PELI3: variants seen among roughly 807,000 people sequenced by gnomAD.
PELI3 encodes E3 ubiquitin-protein ligase pellino homolog 3.
Under a neutral mutation model 35.5 loss-of-function variants are expected in PELI3, and 19 were observed. That is an observed-to-expected ratio of 0.54 (90% CI 0.37 to 0.79). PELI3 has a LOEUF of 0.79. PELI3 is among the 30% of genes least tolerant of loss of function. PELI3 has a pLI of 0.00. For synonymous variants in PELI3, 262 were observed against 279.2 expected (o/e 0.94, Z 0.62); for missense variants, 490 against 661.2 (o/e 0.74, Z 2.84).
intron 5 of PELI3, among the ~76,000 whole-genome samples, chr11:66,472,976 T>C (rs964543315): frequency 6.6e-6 from 1 of 152,216 alleles, no homozygotes; most frequent in Admixed American, 6.5e-5. Context: ...GCAAATCAAC[T>C]TGTATTTATT....
chr11:66,466,989 G>A lies in PELI3; in HGVS notation c.-40G>A, dbSNP rs1297548137. On this transcript the variant is annotated 5_prime_UTR_variant, in exon 1 of 8. Coordinates refer to ENST00000320740, the MANE Select transcript of PELI3 (RefSeq NM_145065.3). ...CCGGGGCCGAGCAGGGGCTAGGCGG[G>A]GAGGGAGCGGCGCCCAGCGGGGCCC... The A allele has an allele frequency of 6.7e-6, 1 of 150,338 alleles. No homozygotes were observed. Among genetic ancestry groups the A allele is most frequent in the Non-Finnish European group, 1.5e-5 (1 of 67,376 alleles). 9.3% of individuals were successfully genotyped at this position (150,338 alleles called of 1,614,324 possible). A position where few individuals can be genotyped will look rare whatever the true frequency, so the allele number is the denominator to read the frequency against.
In PELI3 at chr11:66,468,895, C is replaced by G; in HGVS notation, c.215C>G (p.Ala72Gly). 1.3e-6 allele frequency: 1 copy of G among 772,944 alleles called. No individual in the cohort carries two copies. 47.9% of individuals were successfully genotyped at this position (772,944 alleles called of 1,614,324 possible). ...AQRGEVTGPRAHSCYNGCLAS... is the reference protein window; with the variant it reads ...AQRGEVTGPRGHSCYNGCLAS... ...AGAGGGGAAGTGACTGGCCCAAGGG[C>G]ACACAGCTGGTAAGTGGCAGGGCTG... The change falls in exon 3 of 8, where the codon GCA (alanine) becomes GGA (glycine). Residue 72 changes from alanine (A) to glycine (G), a missense_variant. By Grantham distance (60) the Ala-to-Gly change is moderately conservative (BLOSUM62 0). This residue lies in a region of PELI3 where 137 missense variants were observed against 157.1 expected (regional missense o/e 0.87). Transcript: ENST00000320740.
At chr11:66,472,217 G>A in intron 4 of PELI3, 152 bp from the exon 5 acceptor site, 1 of 606,440 alleles carries the variant, frequency 1.6e-6, no homozygotes, top group Non-Finnish European at 3.0e-6. Flanking sequence ...TAAATCATGT[G>A]AAACATCTGC....
chr11:66,473,573 T>C lies in PELI3; in HGVS notation c.651+138T>C. ...CTGGCAGTTAGCAACCCCACCTAAC[T>C]GATGAGCAAAGTGAGGCCCAGAGAG... On this transcript the variant is annotated intron_variant, in intron 6 of 7. Transcript: ENST00000320740. This position sits in a 1 kb window ranked among gnomAD's most constrained non-coding sequence, Gnocchi z 5.8. 7.6e-7 allele frequency: 1 copy of C among 1,319,314 alleles called. No homozygotes were observed. The highest frequency in any genetic ancestry group is 1.0e-6 in the Non-Finnish European group (1 of 976,300). 81.7% of individuals were successfully genotyped at this position (1,319,314 alleles called of 1,614,324 possible).
At chr11:66,474,184 G>C in intron 7 of PELI3, 1 of 659,252 alleles carries the variant, frequency 1.5e-6, no homozygotes, top group South Asian at 1.7e-5. Context: ...GGCACACACA[G>C]ACATACTGTG....
In PELI3 at chr11:66,476,426, G is replaced by A. The variant is rs1453387233; in HGVS notation, c.*259G>A. The A allele has an allele frequency of 5.6e-6, 3 of 533,842 alleles. No individual in the cohort carries two copies. Among genetic ancestry groups the A allele is most frequent in the Non-Finnish European group, 1.0e-5 (3 of 301,502 alleles). 33.1% of individuals were successfully genotyped at this position (533,842 alleles called of 1,614,324 possible). A position where few individuals can be genotyped will look rare whatever the true frequency, so the allele number is the denominator to read the frequency against. On this transcript the variant is annotated 3_prime_UTR_variant, in exon 8 of 8. Coordinates refer to ENST00000320740, the MANE Select transcript of PELI3 (RefSeq NM_145065.3). ...GAGGAAAGCCCAGCCCCATGGCCTT[G>A]CCCTTCCTGGGGCATCCCACATCGT...
chr11:66,475,545 G>C, intron 7 of PELI3, 53 bp from the exon 8 acceptor site: 1 of 1,583,590 alleles, frequency 6.3e-7, no homozygotes. Context: ...GGATGGACCC[G>C]CGGCTCAGCA....
Position 66,467,228 on chromosome 11 carries a change from G to A in PELI3, c.-2+201G>A, listed in dbSNP as rs1306352157. ...CCGGGCCCGGGGCGTGCGGGGCCGT[G>A]CACGCGCGCGTGTTGTGCGGAGGGG... On this transcript the variant is annotated intron_variant, in intron 1 of 7. Transcript: ENST00000320740. The surrounding 1 kb of genome is among the most constrained non-coding windows in gnomAD (Gnocchi z 4.2). Among the ~76,000 whole-genome samples the A allele has an allele frequency of 6.6e-6, 1 of 151,056 alleles. No homozygotes were observed. The highest frequency in any genetic ancestry group is 2.4e-5 in the African/African-American group (1 of 41,268).
Position 66,468,254 on chromosome 11 carries a change from C to G in PELI3, c.126C>G (p.Ile42Met). 6.3e-7 allele frequency: 1 copy of G among 1,580,052 alleles called. No homozygotes were observed. Among genetic ancestry groups the G allele is most frequent in the Non-Finnish European group, 8.6e-7 (1 of 1,160,144 alleles). Residue 42 changes from isoleucine (I) to methionine (M), a missense_variant, in exon 2 of 8, where the codon ATC becomes ATG. By Grantham distance (10) the Ile-to-Met change is conservative (BLOSUM62 1). Coordinates refer to ENST00000320740, the MANE Select transcript of PELI3 (RefSeq NM_145065.3). ...ATGCGCAGCCAGGCGAGGAGCCCAT[C>G]AAGTATGGTGAACTCATCGTCCTGG... The part of the protein sequence containing the change: ...GEDAQPGEEP[I>M]KYGELIVLGC...
rs1351602555 is a variant in PELI3, at chr11:66,468,142, G to A, written c.14G>A (p.Gly5Glu). ...ACTCTGCCCAGAATGGTGCTGGAAG[G>A]AAACCCTGAAGTGGGGTCCCCCCGA... MVLE[G>E]NPEVGSPRTS... Residue 5 changes from glycine (G) to glutamate (E), a missense_variant, in exon 2 of 8, where the codon GGA becomes GAA. Around this residue, in one of 3 missense-constraint regions of PELI3, gnomAD observed 137 missense variants for 157.1 expected, o/e 0.87. Coordinates refer to ENST00000320740, the MANE Select transcript of PELI3 (RefSeq NM_145065.3). 1 of 1,608,174 alleles carries A rather than the reference G, an allele frequency of 6.2e-7. No individual in the cohort carries two copies. The highest frequency in any genetic ancestry group is 1.7e-5 in the Admixed American group (1 of 59,576).
Position 66,477,153 on chromosome 11 carries a change from A to C in PELI3, c.*986A>C, listed in dbSNP as rs1854949461. The stretch of plus-strand genomic sequence containing the variant: ...GGTTGGGACCATGTGACCAGGGAAG[A>C]TGCTGGATGGAGGATTCTGAACCTC... On this transcript the variant is annotated 3_prime_UTR_variant, in exon 8 of 8. Transcript: ENST00000320740. 6.6e-6 allele frequency: 1 copy of C among 152,392 alleles called. No homozygotes were observed. Among genetic ancestry groups the C allele is most frequent in the Non-Finnish European group, 1.5e-5 (1 of 68,156 alleles). 9.4% of individuals were successfully genotyped at this position (152,392 alleles called of 1,614,324 possible). A position where few individuals can be genotyped will look rare whatever the true frequency, so the allele number is the denominator to read the frequency against.
rs759972010 is a variant in PELI3, at chr11:66,471,198, C to G, written c.225-44C>G. 3.2e-6 allele frequency: 5 copies of G among 1,572,116 alleles called. No individual in the cohort carries two copies. In the East Asian group the frequency reaches 6.8e-5, roughly 21 times the overall value. ...AGGGGTTCACTTTCTCTCTTTCTCT[C>G]TCTCCTCTTGCAACCCCTTCTTCTT... On this transcript the variant is annotated intron_variant, in intron 3 of 7. Transcript: ENST00000320740.
rs144457255 is a variant in PELI3 at position 66,473,291 on chromosome 11, C to A, written c.507C>A (p.Ser169=). Residue 169 remains serine, a synonymous_variant, in exon 6 of 8, where the codon TCC becomes TCA. Coordinates refer to ENST00000320740, the MANE Select transcript of PELI3 (RefSeq NM_145065.3). The surrounding 1 kb of genome is among the most constrained non-coding windows in gnomAD (Gnocchi z 5.8). ...TTGACTTCGTGGTAACAGACACGTC[C>A]CCTGGAGGAGGGGCTGCCGAGGGCC... ...NMIDFVVTDT[S]PGGGAAEGPS... is the part of the protein sequence containing the mutation. 6.2e-7 allele frequency: 1 copy of A among 1,613,474 alleles called. No homozygotes were observed. Among genetic ancestry groups the A allele is most frequent in the African/African-American group, 1.3e-5 (1 of 74,914 alleles).
rs182969796 is a variant in PELI3 at position 66,467,604 on chromosome 11, G to A, written c.-1-524G>A. On this transcript the variant is annotated intron_variant, in intron 1 of 7. Coordinates refer to ENST00000320740, the MANE Select transcript of PELI3 (RefSeq NM_145065.3). This position sits in a 1 kb window ranked among gnomAD's most constrained non-coding sequence, Gnocchi z 4.2. The stretch of plus-strand genomic sequence containing the variant: ...CAGGCAGAGATGGGGAATGGGGGGA[G>A]AGAGACGGCAAAAAGGACAGCGGCT... 464 of 153,850 alleles carry A rather than the reference G, an allele frequency of 3.0e-3. 2 individuals are homozygous for A. The highest frequency in any genetic ancestry group is 0.01 in the African/African-American group (429 of 41,558). The allele number at this position is 153,850 out of a possible 1,614,324, so 9.5% of individuals were successfully genotyped here.
Position 66,467,584 on chromosome 11 carries a change from A to G in PELI3, c.-1-544A>G, listed in dbSNP as rs979011177. The stretch of plus-strand genomic sequence containing the variant: ...GTGAGGCGGAGGCGGGCAGACAGGC[A>G]GAGATGGGGAATGGGGGGAGAGAGA... On this transcript the variant is annotated intron_variant, in intron 1 of 7. Transcript: ENST00000320740. The surrounding 1 kb of genome is among the most constrained non-coding windows in gnomAD (Gnocchi z 4.2). 4.5e-5 allele frequency: 7 copies of G among 153,894 alleles called. No individual in the cohort carries two copies. Among genetic ancestry groups the G allele is most frequent in the African/African-American group, 1.7e-4 (7 of 41,458 alleles). The allele number at this position is 153,894 out of a possible 1,614,324, so 9.5% of individuals were successfully genotyped here. A position where few individuals can be genotyped will look rare whatever the true frequency, so the allele number is the denominator to read the frequency against.
chr11:66,473,223 C>T lies in PELI3; in HGVS notation c.457-18C>T, dbSNP rs1340818430. On this transcript the variant is annotated intron_variant, in intron 5 of 7. Coordinates refer to ENST00000320740, the MANE Select transcript of PELI3 (RefSeq NM_145065.3). The surrounding 1 kb of genome is among the most constrained non-coding windows in gnomAD (Gnocchi z 5.8). ...CCTATGTACATACAGTCCCTGCTTG[C>T]TCTCCCTGTCCTCACAGATTGGCCG... is the stretch of plus-strand genomic sequence containing the variant. 3.8e-6 allele frequency: 6 copies of T among 1,593,924 alleles called. No individual in the cohort carries two copies. Among genetic ancestry groups the T allele is most frequent in the Middle Eastern group, 1.7e-4 (1 of 5,992 alleles).
rs1021758780 is a variant in PELI3 at position 66,473,330 on chromosome 11, C to G, written c.546C>G (p.Ser182Arg). The G allele has an allele frequency of 6.2e-7, 1 of 1,613,356 alleles. No homozygotes were observed. Among genetic ancestry groups the G allele is most frequent in the Non-Finnish European group, 8.5e-7 (1 of 1,179,996 alleles). ...CTGCCGAGGGCCCTTCTGCCCAGAG[C>G]ACCATCTCCCGCTATGCCTGCCGCA... Reference protein sequence around the residue: ...GGAAEGPSAQSTISRYACRIL... With the variant: ...GGAAEGPSAQRTISRYACRIL... Residue 182 changes from serine to arginine, a missense_variant, in exon 6 of 8, where the codon AGC becomes AGG. Transcript: ENST00000320740. The surrounding 1 kb of genome is among the most constrained non-coding windows in gnomAD (Gnocchi z 5.8).
Position 66,466,939 on chromosome 11 carries a change from GCCGGGCCCATCCCGCCGCAGCGGC to G in PELI3, c.-84_-61del, listed in dbSNP as rs1470723730. 4 of 151,356 alleles carry G rather than the reference GCCGGGCCCATCCCGCCGCAGCGGC, an allele frequency of 2.6e-5. No homozygotes were observed. Among genetic ancestry groups the G allele is most frequent in the African/African-American group, 9.6e-5 (4 of 41,466 alleles). The allele number at this position is 151,356 out of a possible 1,614,324, so 9.4% of individuals were successfully genotyped here. Reference sequence around the variant, plus strand: ...ACGAGGCAGCGCGGAGCCGCCGCGGGCCGGGCCCATCCCGCCGCAGCGGCCCGGGGCCGAGCAGGGGCTAGGCGG... The same window carrying G: ...ACGAGGCAGCGCGGAGCCGCCGCGGGCCGGGGCCGAGCAGGGGCTAGGCGG... On this transcript the variant is annotated 5_prime_UTR_variant, in exon 1 of 8. Coordinates refer to ENST00000320740, the MANE Select transcript of PELI3 (RefSeq NM_145065.3).
At chr11:66,470,873 G>A (rs370009822) in intron 3 of PELI3, among the ~76,000 whole-genome samples, 1 of 152,118 alleles carries the variant, frequency 6.6e-6, no homozygotes, top group East Asian at 1.9e-4. Flanking sequence ...CCTGGGTGTG[G>A]CAGGTGGCAC....
Sources: gnomAD v4.1 joint callset for allele counts (sites outside exome capture counted in the v4.1 genomes callset) on GRCh38, gnomAD v4.1.1 for gene constraint, gnomAD v4.1.1 regional missense constraint, Gnocchi (gnomAD v3.1) non-coding constraint, MANE v1.5 for transcripts, NCBI Gene and HGNC (gene_info 2026-07-23, HGNC 2026-07-21) for gene names.